The following SORCS3 variants were observed in gnomAD, a reference collection of about 807,000 sequenced individuals.
The protein encoded by SORCS3 is sortilin related VPS10 domain containing receptor 3.
A neutral mutation model predicts 146.3 loss-of-function variants in SORCS3; 57 were observed. The ratio of observed to expected loss-of-function variants is 0.39; its 90% CI spans 0.31 to 0.49. SORCS3 has a LOEUF of 0.49. SORCS3 is among the 20% of genes least tolerant of loss of function. The probability of loss-of-function intolerance (pLI) is 0.92; values close to 1 mark genes in which losing one functional copy is unlikely to be tolerated. For synonymous variants in SORCS3, 653 were observed against 618.5 expected (o/e 1.06, Z -0.83); for missense variants, 1,341 against 1,575.5 (o/e 0.85, Z 2.52).
chr10:104,702,094 G>A (rs548861946), intron 1 of SORCS3, among the ~76,000 whole-genome samples: 17 of 152,270 alleles, frequency 1.1e-4, no homozygotes, highest in Non-Finnish European at 2.1e-4. Flanking sequence ...TACTGAAACA[G>A]ATGGAGGGTC....
intron 16 of SORCS3, among the ~76,000 whole-genome samples, chr10:105,209,996 CT>C (rs1463391410): frequency 1.3e-5 from 2 of 152,080 alleles, no homozygotes; most frequent in Non-Finnish European, 2.9e-5. Flanking sequence ...ATTATCACAC[CT>C]TTTTAAGTTT....
chr10:105,200,160 A>T (rs757560768), intron 15 of SORCS3, 44 bp downstream of exon 15: 12 of 1,465,822 alleles, frequency 8.2e-6, no homozygotes, highest in African/African-American at 1.4e-5. Context: ...GAGGAGGAGG[A>T]GCTAGTGCAA....
chr10:105,160,685 C>T (rs1252473983), intron 11 of SORCS3, among the ~76,000 whole-genome samples: 1 of 152,150 alleles, frequency 6.6e-6, no homozygotes, highest in African/African-American at 2.4e-5. Flanking sequence ...ATATTGAATA[C>T]TCACTATGTG....
At chr10:104,693,650 C>T (rs1268802254) in intron 1 of SORCS3, among the ~76,000 whole-genome samples, 3 of 152,132 alleles carry the variant, frequency 2.0e-5, no homozygotes, top group Admixed American at 6.5e-5. Context: ...CGCAATGACC[C>T]TGTGATGTCT....
chr10:105,194,304 CCTTGG>C (rs1441471734), intron 14 of SORCS3, among the ~76,000 whole-genome samples: 2 of 152,032 alleles, frequency 1.3e-5, no homozygotes, highest in Non-Finnish European at 2.9e-5. Flanking sequence ...ATGAGAAAGT[CCTTGG>C]GTGAGTCTAT....
intron 20 of SORCS3, among the ~76,000 whole-genome samples, chr10:105,224,542 A>G (rs1231009472): frequency 1.3e-5 from 2 of 152,226 alleles, no homozygotes; most frequent in African/African-American, 4.8e-5. Flanking sequence ...TAAAGCTGCT[A>G]TAAACGTTCA....
chr10:104,711,253 G>A (rs556705156), intron 1 of SORCS3, among the ~76,000 whole-genome samples: 155 of 152,272 alleles, frequency 1.0e-3, no homozygotes, highest in Non-Finnish European at 1.9e-3. Context: ...GCACAGAGAG[G>A]TTGATAATTG....
rs572248315 is a variant in SORCS3, at chr10:105,181,805, G to T, written c.2009+3632G>T. On this transcript the variant is annotated intron_variant, in intron 14 of 26. Coordinates refer to ENST00000369701, the MANE Select transcript of SORCS3 (RefSeq NM_014978.3). ...GGGCCTATTGCAGTCTCAGGCAGTG[G>T]CTCTCCAGATGATGAGATGCCTGTG... Among the ~76,000 whole-genome samples, 20 of 152,246 alleles carry T rather than the reference G, an allele frequency of 1.3e-4. No homozygotes were observed. In the East Asian group the frequency reaches 3.5e-3, roughly 26 times the overall value.
rs556219534 is a variant in SORCS3 at position 104,699,931 on chromosome 10, A to G, written c.627+57977A>G. ...TTCTAGTAGCAATTCATTATGAGAT[A>G]CTTACAGATTATTTTCTCACCTAGT... is the stretch of plus-strand genomic sequence containing the variant. On this transcript the variant is annotated intron_variant, in intron 1 of 26. Transcript: ENST00000369701. Among the ~76,000 whole-genome samples, 5 of 152,352 alleles carry G rather than the reference A, an allele frequency of 3.3e-5. No homozygotes were observed. In the East Asian group the frequency reaches 9.6e-4, roughly 29 times the overall value.
At chr10:104,880,496 ATG>A (rs2018619831) in intron 2 of SORCS3, among the ~76,000 whole-genome samples, 1 of 152,126 alleles carries the variant, frequency 6.6e-6, no homozygotes, top group Non-Finnish European at 1.5e-5. Flanking sequence ...TAAGGAATAC[ATG>A]TGTTTGATGC....
chr10:105,119,440 A>G (rs2055916067), intron 7 of SORCS3, among the ~76,000 whole-genome samples: 1 of 152,176 alleles, frequency 6.6e-6, no homozygotes, highest in Non-Finnish European at 1.5e-5. Flanking sequence ...GGCACTGCCT[A>G]GTGGAGCACT....
At chr10:104,925,352 A>AGAAT (rs1383209823) in intron 3 of SORCS3, among the ~76,000 whole-genome samples, 4 of 152,238 alleles carry the variant, frequency 2.6e-5, no homozygotes, top group African/African-American at 4.8e-5. Flanking sequence ...GCCTTATGTT[A>AGAAT]GAATGACCAG....
intron 2 of SORCS3, among the ~76,000 whole-genome samples, chr10:104,875,402 A>G (rs893206930): frequency 6.6e-6 from 1 of 152,192 alleles, no homozygotes; most frequent in African/African-American, 2.4e-5. Context: ...TGGACAAGTT[A>G]CTTGTCTTAG....
intron 9 of SORCS3, 147 bp from the exon 10 acceptor site, chr10:105,156,991 G>A (rs1384070575): frequency 5.9e-6 from 5 of 841,380 alleles, no homozygotes; most frequent in African/African-American, 3.4e-5. Context: ...AGACCACATG[G>A]CATTCAACGT....
intron 8 of SORCS3, among the ~76,000 whole-genome samples, chr10:105,141,971 C>T (rs925360119): frequency 5.3e-5 from 8 of 152,064 alleles, no homozygotes; most frequent in Admixed American, 6.6e-5. Flanking sequence ...GTAAAGTGTT[C>T]GACAAATCTA....
At chr10:104,773,371 A>G (rs1186148862) in intron 1 of SORCS3, among the ~76,000 whole-genome samples, 1 of 152,214 alleles carries the variant, frequency 6.6e-6, no homozygotes, top group African/African-American at 2.4e-5. Flanking sequence ...GCTGTTGCCT[A>G]GTGACTTTTA....
chr10:104,960,536 C>T (rs73349921), intron 3 of SORCS3, among the ~76,000 whole-genome samples: 2 of 152,186 alleles, frequency 1.3e-5, no homozygotes, highest in East Asian at 3.9e-4. Flanking sequence ...AGCACACCAA[C>T]ATGCTATGCT....
intron 1 of SORCS3, among the ~76,000 whole-genome samples, chr10:104,809,909 A>G (rs2017721873): frequency 6.6e-6 from 1 of 152,246 alleles, no homozygotes; most frequent in African/African-American, 2.4e-5. Context: ...GACTGTACAC[A>G]GTGTCCTTTA....
intron 1 of SORCS3, among the ~76,000 whole-genome samples, chr10:104,645,161 G>T (rs1650822374): frequency 6.6e-6 from 1 of 152,184 alleles, no homozygotes; most frequent in African/African-American, 2.4e-5. Context: ...TGGCTGGAAA[G>T]TGAGTGGACT....
Sources: gnomAD v4.1 joint callset for allele counts (sites outside exome capture counted in the v4.1 genomes callset) on GRCh38, gnomAD v4.1.1 for gene constraint, MANE v1.5 for transcripts, NCBI Gene and HGNC (gene_info 2026-07-23, HGNC 2026-07-21) for gene names.